MGAT4C: variants seen among roughly 807,000 people sequenced by gnomAD.
MGAT4C encodes the protein alpha-1,3-mannosyl-glycoprotein 4-beta-N-acetylglucosaminyltransferase C.
Under a neutral mutation model 40.1 loss-of-function variants are expected in MGAT4C, and 19 were observed. The ratio of observed to expected loss-of-function variants is 0.47; its 90% CI spans 0.33 to 0.70. The LOEUF (loss-of-function observed/expected upper bound fraction) is 0.70, where lower values mean the gene tolerates loss of function less well. MGAT4C is among the 30% of genes least tolerant of loss of function. MGAT4C has a pLI of 0.02. For synonymous variants in MGAT4C, 181 were observed against 187.1 expected, an observed-to-expected ratio of 0.97 and a Z score of 0.27; for missense variants, 491 against 563.2, an observed-to-expected ratio of 0.87 and a Z score of 1.30.
At chr12:86,359,184 C>G (rs1263043515) in intron 3 of MGAT4C, among the ~76,000 whole-genome samples, 1 of 152,114 alleles carries the variant, frequency 6.6e-6, no homozygotes, top group South Asian at 2.1e-4. Flanking sequence ...CACTCAAAAC[C>G]GCTCAACTAC....
chr12:86,676,316 T>C (rs376988175), intron 2 of MGAT4C, among the ~76,000 whole-genome samples: 2 of 152,188 alleles, frequency 1.3e-5, no homozygotes, highest in Admixed American at 6.5e-5. Flanking sequence ...GTGGAAAGCA[T>C]GGAAAGCTTA....
intron 2 of MGAT4C, among the ~76,000 whole-genome samples, chr12:86,012,343 C>A (rs865842586): frequency 6.6e-6 from 1 of 152,274 alleles, no homozygotes; most frequent in South Asian, 2.1e-4. Flanking sequence ...AAGGCTATAA[C>A]AATATCCTTA....
At chr12:86,002,307 G>A (rs1887409663) in intron 2 of MGAT4C, 2 of 152,166 alleles carry the variant, frequency 1.3e-5, no homozygotes, top group Non-Finnish European at 2.9e-5. Flanking sequence ...GGTGCTTGAT[G>A]TTCTTTCAGT....
In MGAT4C at chr12:86,762,638, A is replaced by C. The variant is rs938172718; in HGVS notation, c.-261-35397T>G. ...TTTTCCCCTGGTTAAGTAAGCAATG[A>C]AAAACCCATTGAATATTTTCATTAC... is the stretch of plus-strand genomic sequence containing the variant. On this transcript the variant is annotated intron_variant, in intron 1 of 7. Coordinates refer to the MGAT4C transcript ENST00000548651. 8.5e-5 allele frequency among the ~76,000 whole-genome samples: 13 copies of C among 152,224 alleles called. 1 individual carries two copies. The highest frequency in any genetic ancestry group is 8.5e-4 in the Admixed American group (13 of 15,288).
chr12:86,084,246 G>A (rs1010101199), intron 1 of MGAT4C, among the ~76,000 whole-genome samples: 2 of 152,064 alleles, frequency 1.3e-5, no homozygotes, highest in Admixed American at 1.3e-4. Flanking sequence ...CAAGGGTTTA[G>A]AACCTGGTAG....
At chr12:86,786,858 A>C (rs1951938936) in intron 1 of MGAT4C, among the ~76,000 whole-genome samples, 1 of 152,124 alleles carries the variant, frequency 6.6e-6, no homozygotes, top group African/African-American at 2.4e-5. Context: ...ACAATGTTTT[A>C]ATTTTGTTTA....
At chr12:86,767,334 A>G (rs1184282777) in intron 1 of MGAT4C, among the ~76,000 whole-genome samples, 1 of 152,146 alleles carries the variant, frequency 6.6e-6, no homozygotes, top group Non-Finnish European at 1.5e-5. Context: ...GAATCTCTGA[A>G]TAGACCAAAA....
intron 2 of MGAT4C, among the ~76,000 whole-genome samples, chr12:86,563,478 T>TTA (rs1311240283): frequency 2.0e-5 from 3 of 152,154 alleles, no homozygotes; most frequent in Non-Finnish European, 1.5e-5. Flanking sequence ...CTAATTTGAA[T>TTA]TATAAAAATA....
chr12:86,554,133 T>TAC (rs5799783), intron 2 of MGAT4C, among the ~76,000 whole-genome samples: 11,451 of 149,930 alleles, frequency 0.076, 1,081 homozygotes, highest in African/African-American at 0.23. Flanking sequence ...TACACATACA[T>TAC]ACACACACAC....
intron 1 of MGAT4C, among the ~76,000 whole-genome samples, chr12:86,171,651 T>G (rs1886862271): frequency 6.6e-6 from 1 of 152,194 alleles, no homozygotes; most frequent in Non-Finnish European, 1.5e-5. Context: ...GACATTTTCC[T>G]TATAGGCTGA....
chr12:86,527,700 A>G (rs1343886311), intron 2 of MGAT4C, among the ~76,000 whole-genome samples: 1 of 152,104 alleles, frequency 6.6e-6, no homozygotes, highest in African/African-American at 2.4e-5. Context: ...TTTCTTATAC[A>G]TATCTTCCAC....
intron 4 of MGAT4C, among the ~76,000 whole-genome samples, chr12:86,284,812 A>G (rs916967516): frequency 1.3e-5 from 2 of 152,016 alleles, no homozygotes; most frequent in African/African-American, 4.8e-5. Flanking sequence ...TGAATATACC[A>G]TAATCTCCAA....
intron 1 of MGAT4C, among the ~76,000 whole-genome samples, chr12:86,781,954 A>C (rs987415263): frequency 1.6e-4 from 25 of 151,984 alleles, no homozygotes; most frequent in African/African-American, 5.8e-4. Context: ...TTTGAAAAAA[A>C]CTCCACACTT....
intron 2 of MGAT4C, among the ~76,000 whole-genome samples, chr12:85,993,652 C>A (rs1468110958): frequency 1.3e-5 from 2 of 152,070 alleles, no homozygotes; most frequent in African/African-American, 4.8e-5. Context: ...GAGGGGGCTG[C>A]AAAAATGGGC....
At chr12:86,692,497 GTTTA>G (rs1434532315) in intron 2 of MGAT4C, among the ~76,000 whole-genome samples, 2 of 152,052 alleles carry the variant, frequency 1.3e-5, no homozygotes, top group Non-Finnish European at 2.9e-5. Context: ...TTTGTAAAGA[GTTTA>G]TTTCTCTCCA....
chr12:86,089,542 G>A (rs1043156798), intron 1 of MGAT4C, among the ~76,000 whole-genome samples: 5 of 151,572 alleles, frequency 3.3e-5, no homozygotes, highest in Non-Finnish European at 7.4e-5. Context: ...TTTCTATTAT[G>A]TTTATTGATT....
At chr12:86,681,892 A>G (rs1051056774) in intron 2 of MGAT4C, among the ~76,000 whole-genome samples, 3 of 152,016 alleles carry the variant, frequency 2.0e-5, no homozygotes, top group Non-Finnish European at 2.9e-5. Flanking sequence ...AATTTACTGA[A>G]CAAAAATGAC....
intron 1 of MGAT4C, among the ~76,000 whole-genome samples, chr12:86,746,278 T>C (rs957354118): frequency 2.0e-5 from 3 of 151,672 alleles, no homozygotes; most frequent in Non-Finnish European, 3.0e-5. Context: ...AACCTCTGTT[T>C]AAAAACCTTT....
At chr12:86,780,836 T>A (rs1593200989) in intron 1 of MGAT4C, among the ~76,000 whole-genome samples, 2 of 152,174 alleles carry the variant, frequency 1.3e-5, no homozygotes, top group East Asian at 3.8e-4. Flanking sequence ...GAGTCTCCAA[T>A]GTCTGTTATT....
Sources: gnomAD v4.1 joint callset for allele counts (sites outside exome capture counted in the v4.1 genomes callset) on GRCh38, gnomAD v4.1.1 for gene constraint, MANE v1.5 for transcripts, NCBI Gene and HGNC (gene_info 2026-07-23, HGNC 2026-07-21) for gene names.